The following COL25A1 variants were observed in gnomAD, a reference collection of about 807,000 sequenced individuals.
COL25A1 encodes the protein collagen alpha-1(XXV) chain.
COL25A1 carries 103 observed loss-of-function variants against 128.4 expected under a neutral mutation model. The ratio of observed to expected loss-of-function variants is 0.80; its 90% CI spans 0.68 to 0.94. COL25A1 has a LOEUF of 0.94. COL25A1 is among the 40% of genes least tolerant of loss of function. The pLI is 0.00. For synonymous variants in COL25A1, 279 were observed against 277.2 expected (o/e 1.01, Z -0.06); for missense variants, 745 against 840.0 (o/e 0.89, Z 1.40).
At chr4:109,112,575 A>G (rs1470228879) in intron 3 of COL25A1, among the ~76,000 whole-genome samples, 1 of 151,992 alleles carries the variant, frequency 6.6e-6, no homozygotes, top group Non-Finnish European at 1.5e-5. Context: ...TTTTTTCAAT[A>G]TATCTCCTCA....
At chr4:109,215,035 T>C (rs1777877641) in intron 3 of COL25A1, among the ~76,000 whole-genome samples, 2 of 152,178 alleles carry the variant, frequency 1.3e-5, no homozygotes, top group African/African-American at 4.8e-5. Context: ...TTGATGAACA[T>C]TTATCTCAGC....
In COL25A1 at chr4:108,809,645, G is replaced by A. The variant is rs1251865734; in HGVS notation, c.*4282C>T. On this transcript the variant is annotated 3_prime_UTR_variant, in exon 38 of 38. Coordinates refer to ENST00000399132, the MANE Select transcript of COL25A1 (RefSeq NM_198721.4). ...AGTCATTAAAGTGTTTATTAGTACG[G>A]GGTTAGCAAAAACCAAACTCCACTA... is the stretch of plus-strand genomic sequence containing the variant. 6.6e-6 allele frequency: 1 copy of A among 151,966 alleles called. No homozygotes were observed. The highest frequency in any genetic ancestry group is 1.9e-4 in the East Asian group (1 of 5,188). 9.4% of individuals were successfully genotyped at this position (151,966 alleles called of 1,614,324 possible). A position where few individuals can be genotyped will look rare whatever the true frequency, so the allele number is the denominator to read the frequency against.
chr4:109,120,799 C>T (rs1768036942), intron 3 of COL25A1, among the ~76,000 whole-genome samples: 1 of 147,428 alleles, frequency 6.8e-6, no homozygotes, highest in South Asian at 2.2e-4. Context: ...CAGAGTGAGA[C>T]TCTGTCTCAA....
intron 13 of COL25A1, among the ~76,000 whole-genome samples, chr4:108,904,401 A>G (rs1743213935): frequency 6.6e-6 from 1 of 152,146 alleles, no homozygotes. Context: ...CTTACACTTC[A>G]TGAAGTAAGA....
At position 109,010,165 on chromosome 4, in the gene COL25A1, C is replaced by T. The variant is rs377646288; in HGVS notation, c.438+193G>A. Among the ~76,000 whole-genome samples the T allele has an allele frequency of 1.2e-4, 19 of 152,244 alleles. No individual in the cohort carries two copies. The South Asian group carries it at 3.7e-3, about 30-fold the overall frequency. Reference sequence around the variant, plus strand: ...TACATTGTTAAATCTGCCATCTGGCCCAACAGCTGATGTGGCTCACACAAC... The same window carrying T: ...TACATTGTTAAATCTGCCATCTGGCTCAACAGCTGATGTGGCTCACACAAC... On this transcript the variant is annotated intron_variant, in intron 6 of 37. Transcript: ENST00000399132.
chr4:109,259,337 T>A (rs10006203), intron 3 of COL25A1, among the ~76,000 whole-genome samples: 18,227 of 152,204 alleles, frequency 0.12, 2,972 homozygotes, highest in African/African-American at 0.37. Flanking sequence ...TTTAAAAGAA[T>A]CAATTTTCAT....
chr4:109,301,632 T>G, intron 2 of COL25A1, 91 bp downstream of exon 2: 2 of 1,431,310 alleles, frequency 1.4e-6, no homozygotes, highest in Non-Finnish European at 1.9e-6. Context: ...ACACCAAGTA[T>G]GGGTACAGTA....
At position 109,197,479 on chromosome 4, in the gene COL25A1, TTATATATTA is replaced by T. The variant is rs1451745417; in HGVS notation, c.367+103095_367+103103del. On this transcript the variant is annotated intron_variant, in intron 3 of 37. Coordinates refer to ENST00000399132, the MANE Select transcript of COL25A1 (RefSeq NM_198721.4). ...ATATAAATATTATATATAATATATA[TTATATATTA>T]TATATAAATATATATTATATAATAT... 1.1e-3 allele frequency among the ~76,000 whole-genome samples: 125 copies of T among 117,812 alleles called. 1 individual carries two copies. The highest frequency in any genetic ancestry group is 3.6e-3 in the African/African-American group (116 of 32,244). The allele number at this position is 117,812 out of a possible 152,430, so 77.3% of individuals were successfully genotyped here.
intron 3 of COL25A1, among the ~76,000 whole-genome samples, chr4:109,266,809 T>G (rs528219263): frequency 6.6e-6 from 1 of 152,332 alleles, no homozygotes; most frequent in South Asian, 2.1e-4. Flanking sequence ...AGTTATAAAC[T>G]GAACCCATGA....
At chr4:108,820,342 T>C (rs146671323) in intron 35 of COL25A1, among the ~76,000 whole-genome samples, 1 of 152,188 alleles carries the variant, frequency 6.6e-6, no homozygotes, top group Non-Finnish European at 1.5e-5. Context: ...GAAAGCTGCA[T>C]TGAACCAGAG....
chr4:109,092,734 A>G lies in COL25A1; in HGVS notation c.368-42555T>C, dbSNP rs549829116. 1.4e-4 allele frequency among the ~76,000 whole-genome samples: 21 copies of G among 152,314 alleles called. 1 individual carries two copies. The East Asian group carries it at 4.1e-3, about 29-fold the overall frequency. The stretch of plus-strand genomic sequence containing the variant: ...AGGCAAGTGACAATGTCTACAAGAC[A>G]TTGTCCAGTGCTCCCTATATGCATA... On this transcript the variant is annotated intron_variant, in intron 3 of 37. Transcript: ENST00000399132.
intron 6 of COL25A1, among the ~76,000 whole-genome samples, chr4:108,989,020 C>T (rs1753924455): frequency 6.6e-6 from 1 of 152,240 alleles, no homozygotes; most frequent in Non-Finnish European, 1.5e-5. Context: ...AGGACTCTGC[C>T]TACTGACCAC....
At chr4:108,867,975 C>T (rs1738141906) in intron 20 of COL25A1, among the ~76,000 whole-genome samples, 1 of 152,046 alleles carries the variant, frequency 6.6e-6, no homozygotes, top group Admixed American at 6.6e-5. Context: ...AGATGGTTTT[C>T]ATTATAGAAT....
At chr4:109,207,720 A>G (rs1180870532) in intron 3 of COL25A1, among the ~76,000 whole-genome samples, 1 of 152,218 alleles carries the variant, frequency 6.6e-6, no homozygotes, top group African/African-American at 2.4e-5. Flanking sequence ...CTTAGTGACT[A>G]CTAACCATAC....
intron 20 of COL25A1, among the ~76,000 whole-genome samples, chr4:108,865,019 T>C (rs1401764695): frequency 6.6e-6 from 1 of 152,204 alleles, no homozygotes; most frequent in Non-Finnish European, 1.5e-5. Context: ...CAGGATAAAT[T>C]CCTAGTTGGA....
chr4:108,976,794 G>A (rs1752483310), intron 6 of COL25A1, among the ~76,000 whole-genome samples: 1 of 152,164 alleles, frequency 6.6e-6, no homozygotes, highest in South Asian at 2.1e-4. Context: ...CCCATTCTCA[G>A]TGTGGCCCTT....
chr4:109,250,123 C>G (rs1003450805), intron 3 of COL25A1, among the ~76,000 whole-genome samples: 2 of 152,082 alleles, frequency 1.3e-5, no homozygotes, highest in Non-Finnish European at 2.9e-5. Flanking sequence ...ATGATGAGCT[C>G]TTTGTCCTGG....
chr4:108,969,066 C>T (rs560757661), intron 8 of COL25A1, among the ~76,000 whole-genome samples: 10 of 152,256 alleles, frequency 6.6e-5, no homozygotes, highest in African/African-American at 2.4e-4. Flanking sequence ...AATAGGGACA[C>T]TTGTTCAAGT....
At chr4:108,981,934 G>A (rs1377138130) in intron 6 of COL25A1, among the ~76,000 whole-genome samples, 2 of 152,134 alleles carry the variant, frequency 1.3e-5, no homozygotes, top group Non-Finnish European at 1.5e-5. Flanking sequence ...GGCTAGGCAC[G>A]GTGGCTCATG....
Sources: allele counts gnomAD v4.1 joint callset (sites outside exome capture counted in the v4.1 genomes callset), GRCh38; gene constraint gnomAD v4.1.1; transcripts MANE v1.5; gene names NCBI Gene and HGNC (gene_info 2026-07-23, HGNC 2026-07-21).